Variants in PDE8A observed in about 807,000 individuals in gnomAD.
The protein encoded by PDE8A is high affinity cAMP-specific and IBMX-insensitive 3',5'-cyclic phosphodiesterase 8A.
Under a neutral mutation model 105.0 loss-of-function variants are expected in PDE8A, and 59 were observed. The ratio of observed to expected loss-of-function variants is 0.56; its 90% CI spans 0.46 to 0.70. The LOEUF is 0.70. PDE8A is among the 30% of genes least tolerant of loss of function. PDE8A has a pLI of 0.00. For synonymous variants in PDE8A, 355 were observed against 371.9 expected (o/e 0.95, Z 0.52); for missense variants, 1,014 against 1,045.9 (o/e 0.97, Z 0.42).
chr15:85,086,807 G>C (rs1406291637), intron 6 of PDE8A, among the ~76,000 whole-genome samples: 5 of 151,962 alleles, frequency 3.3e-5, no homozygotes, highest in Non-Finnish European at 5.9e-5. Context: ...CTGGAGTGCA[G>C]TGGCATGATC....
rs185506678 is a variant in PDE8A at position 85,020,099 on chromosome 15, G to C, written c.186+37751G>C. On this transcript the variant is annotated intron_variant, in intron 1 of 21. Coordinates refer to ENST00000394553, the MANE Select transcript of PDE8A (RefSeq NM_002605.3). ...AATGAGTCAAAGAAGGAGGTTTATGGTTGCCCCTTTATTTAAATGATCATG... is the reference window on the plus strand; with the variant it reads ...AATGAGTCAAAGAAGGAGGTTTATGCTTGCCCCTTTATTTAAATGATCATG... Among the ~76,000 whole-genome samples, 21 of 152,066 alleles carry C rather than the reference G, an allele frequency of 1.4e-4. 1 individual carries two copies. In the Middle Eastern group the frequency reaches 0.027, roughly 198 times the overall value.
chr15:85,117,567 A>G, intron 16 of PDE8A, 74 bp from the exon 17 acceptor site: 1 of 1,274,928 alleles, frequency 7.8e-7, no homozygotes, highest in African/African-American at 1.5e-5. Flanking sequence ...TTGGCTTGGA[A>G]CCTATTCAGG....
intron 1 of PDE8A, among the ~76,000 whole-genome samples, chr15:85,001,110 C>T (rs2142177816): frequency 6.6e-6 from 1 of 152,302 alleles, no homozygotes; most frequent in East Asian, 1.9e-4. Context: ...GGTTCCTGCG[C>T]CCTCTCCAGC....
At chr15:84,995,136 A>G (rs1044630762) in intron 1 of PDE8A, among the ~76,000 whole-genome samples, 1 of 152,196 alleles carries the variant, frequency 6.6e-6, no homozygotes, top group Non-Finnish European at 1.5e-5. Context: ...ACAAACGCAT[A>G]CATATATCTG....
intron 12 of PDE8A, among the ~76,000 whole-genome samples, chr15:85,112,090 T>G (rs951754116): frequency 1.1e-4 from 17 of 152,234 alleles, no homozygotes. Flanking sequence ...TAGATTCTTC[T>G]GGGCTTTCTG....
In PDE8A at chr15:85,040,370, TAAA is replaced by T. The variant is rs35955528; in HGVS notation, c.187-23982_187-23980del. On this transcript the variant is annotated intron_variant, in intron 1 of 21. Coordinates refer to ENST00000394553, the MANE Select transcript of PDE8A (RefSeq NM_002605.3). ...CCATGCCCAGCCAAGACCTCTTCTC[TAAA>T]AAAAAAAAAAAAAAAAAGAAAAGAA... is the stretch of plus-strand genomic sequence containing the variant. 7.7e-5 allele frequency among the ~76,000 whole-genome samples: 8 copies of T among 103,706 alleles called. No individual in the cohort carries two copies. In the East Asian group the frequency reaches 1.4e-3, roughly 19 times the overall value. The allele number at this position is 103,706 out of a possible 152,430, so 68.0% of individuals were successfully genotyped here. A position where few individuals can be genotyped will look rare whatever the true frequency, so the allele number is the denominator to read the frequency against.
chr15:85,116,284 G>A (rs2082096544), intron 16 of PDE8A, 165 bp downstream of exon 16: 1 of 604,352 alleles, frequency 1.7e-6, no homozygotes. Flanking sequence ...CCAGGGCCTG[G>A]GGGAGAGTCT....
chr15:85,020,330 G>A (rs71397837), intron 1 of PDE8A, among the ~76,000 whole-genome samples: 19,469 of 152,122 alleles, frequency 0.13, 1,654 homozygotes, highest in Middle Eastern at 0.24. Context: ...AGGGCCCGGC[G>A]CAGTGGCTCA....
intron 1 of PDE8A, among the ~76,000 whole-genome samples, chr15:85,001,863 G>A (rs1459562449): frequency 6.6e-6 from 1 of 152,184 alleles, no homozygotes; most frequent in Non-Finnish European, 1.5e-5. Flanking sequence ...TGTATTGACT[G>A]TTTACTGCAT....
At chr15:84,980,945 C>G (rs1256524395), upstream of PDE8A, among the ~76,000 whole-genome samples, 1 of 152,206 alleles carries the variant, frequency 6.6e-6, no homozygotes, top group Non-Finnish European at 1.5e-5. Context: ...AGGGAGCGCA[C>G]GTGGGCTGCG....
chr15:84,981,524 C>G (rs2142128229), upstream of PDE8A, among the ~76,000 whole-genome samples: 1 of 152,280 alleles, frequency 6.6e-6, no homozygotes, highest in South Asian at 2.1e-4. Context: ...CCGGCCGCTC[C>G]GAGGGGTTTC....
At chr15:85,014,561 T>C (rs1375176114) in intron 1 of PDE8A, among the ~76,000 whole-genome samples, 4 of 152,208 alleles carry the variant, frequency 2.6e-5, no homozygotes, top group Non-Finnish European at 5.9e-5. Context: ...TTAAATGTTA[T>C]TTGTATTACT....
rs535329931 is a variant in PDE8A, at chr15:85,045,483, A to G, written c.187-18887A>G. Among the ~76,000 whole-genome samples the G allele has an allele frequency of 8.6e-4, 131 of 152,334 alleles. 1 individual carries two copies. The highest frequency in any genetic ancestry group is 1.6e-3 in the Non-Finnish European group (112 of 68,030). On this transcript the variant is annotated intron_variant, in intron 1 of 21. Transcript: ENST00000394553. ...CCAACTATTTGACCATACTTCTCTG[A>G]GTGTCAGCTTCTTCATCAATAAAAT...
intron 1 of PDE8A, 91 bp downstream of exon 1, chr15:84,982,439 A>G (rs998836129): frequency 1.0e-5 from 8 of 785,806 alleles, no homozygotes; most frequent in Admixed American, 8.7e-5. Context: ...GGTCCCCCCC[A>G]CCCGGCCTCG....
chr15:85,029,631 A>G (rs954763916), intron 1 of PDE8A, among the ~76,000 whole-genome samples: 2 of 152,132 alleles, frequency 1.3e-5, no homozygotes, highest in African/African-American at 4.8e-5. Flanking sequence ...ATTACAAGAA[A>G]ATGCAATGGT....
chr15:85,054,765 C>G (rs2081033619), intron 1 of PDE8A, among the ~76,000 whole-genome samples: 1 of 152,196 alleles, frequency 6.6e-6, no homozygotes. Flanking sequence ...CAACCAGCTC[C>G]TGGATTCATT....
At chr15:84,990,456 C>T (rs553651963) in intron 1 of PDE8A, among the ~76,000 whole-genome samples, 1 of 152,260 alleles carries the variant, frequency 6.6e-6, no homozygotes, top group East Asian at 1.9e-4. Context: ...TTTGCCTATT[C>T]TAGATTTCAT....
intron 1 of PDE8A, among the ~76,000 whole-genome samples, chr15:85,007,569 C>T (rs2080169180): frequency 6.6e-6 from 1 of 151,896 alleles, no homozygotes; most frequent in African/African-American, 2.4e-5. Flanking sequence ...GCACATACTT[C>T]GGTGCCCCAC....
intron 1 of PDE8A, among the ~76,000 whole-genome samples, chr15:85,007,575 C>T (rs184007555): frequency 1.1e-4 from 17 of 151,728 alleles, no homozygotes; most frequent in Non-Finnish European, 1.9e-4. Context: ...ACTTCGGTGC[C>T]CCACCACATT....
Sources: gnomAD v4.1 joint callset for allele counts (sites outside exome capture counted in the v4.1 genomes callset) on GRCh38, gnomAD v4.1.1 for gene constraint, MANE v1.5 for transcripts, NCBI Gene and HGNC (gene_info 2026-07-23, HGNC 2026-07-21) for gene names.